Variants in COLGALT2 observed in about 807,000 individuals in gnomAD.
COLGALT2 encodes collagen beta(1-O)galactosyltransferase 2, also known as procollagen galactosyltransferase 2.
In COLGALT2, 49 loss-of-function variants were observed where a neutral mutation model predicts 73.4. That is an observed-to-expected ratio of 0.67 (90% confidence interval 0.53 to 0.85). COLGALT2 has a LOEUF of 0.85. COLGALT2 is among the 40% of genes least tolerant of loss of function. The pLI, the probability that COLGALT2 is intolerant of heterozygous loss-of-function variation, is 0.00. For synonymous variants in COLGALT2, 295 were observed against 307.6 expected, an observed-to-expected ratio of 0.96 and a Z score of 0.43; for missense variants, 722 against 790.2, an observed-to-expected ratio of 0.91 and a Z score of 1.03.
chr1:183,957,529 C>T (rs1482096318), intron 6 of COLGALT2, among the ~76,000 whole-genome samples: 1 of 152,154 alleles, frequency 6.6e-6, no homozygotes, highest in Non-Finnish European at 1.5e-5. Context: ...TGAACTTCTT[C>T]CATTGTTGCA....
chr1:184,015,955 T>A (rs1254582095), intron 1 of COLGALT2, among the ~76,000 whole-genome samples: 5 of 152,384 alleles, frequency 3.3e-5, no homozygotes, highest in African/African-American at 9.6e-5. Flanking sequence ...TTAGTGAATA[T>A]GCTGAAGAAG....
intron 1 of COLGALT2, among the ~76,000 whole-genome samples, chr1:184,026,634 T>C (rs965681271): frequency 6.6e-6 from 1 of 152,200 alleles, no homozygotes; most frequent in Non-Finnish European, 1.5e-5. Flanking sequence ...TTAGGGACTT[T>C]GTAATATCAT....
intron 1 of COLGALT2, among the ~76,000 whole-genome samples, chr1:184,026,157 C>T (rs1332355029): frequency 6.6e-6 from 1 of 152,118 alleles, no homozygotes; most frequent in African/African-American, 2.4e-5. Flanking sequence ...ACACAGATAG[C>T]GTATTTGCAC....
At chr1:183,976,555 C>T (rs2986556) in intron 2 of COLGALT2, among the ~76,000 whole-genome samples, 107,509 of 151,730 alleles carry the variant, frequency 0.71, 39,894 homozygotes, top group Non-Finnish European at 0.82. Flanking sequence ...TAAAGTAAAA[C>T]TGTAGTAGCT....
chr1:183,972,304 C>A lies in COLGALT2; in HGVS notation c.627+1312G>T, dbSNP rs549327187. 3.9e-5 allele frequency among the ~76,000 whole-genome samples: 6 copies of A among 152,252 alleles called. No homozygotes were observed. In the South Asian group the frequency reaches 1.2e-3, roughly 32 times the overall value. ...TTGATTTGTTGTAGAGATGTGGTTT[C>A]GCCATGTTGCTCATGTTGGTCTCAA... On this transcript the variant is annotated intron_variant, in intron 4 of 11. Transcript: ENST00000361927.
intron 1 of COLGALT2, among the ~76,000 whole-genome samples, chr1:184,002,914 T>C (rs1280993185): frequency 6.6e-6 from 1 of 151,828 alleles, no homozygotes; most frequent in Non-Finnish European, 1.5e-5. Flanking sequence ...AAATATATAA[T>C]AAAAATATCA....
chr1:183,995,884 A>G (rs1303123865), intron 1 of COLGALT2, among the ~76,000 whole-genome samples: 4 of 151,976 alleles, frequency 2.6e-5, no homozygotes, highest in African/African-American at 9.7e-5. Context: ...ACCCCATTTT[A>G]TTATTATATT....
chr1:183,964,447 G>A (rs1204838325), intron 5 of COLGALT2: 4 of 190,402 alleles, frequency 2.1e-5, no homozygotes, highest in Middle Eastern at 1.8e-3. Context: ...ATTCTGTAAC[G>A]CTGACAGATT....
intron 1 of COLGALT2, among the ~76,000 whole-genome samples, chr1:184,036,426 G>C (rs1272279537): frequency 6.6e-6 from 1 of 152,216 alleles, no homozygotes; most frequent in Non-Finnish European, 1.5e-5. Context: ...GTGGAACCCC[G>C]ATGCACCGGC....
rs188055628 is a variant in COLGALT2 at position 183,987,145 on chromosome 1, G to C, written c.264-8625C>G. On this transcript the variant is annotated intron_variant, in intron 1 of 11. Coordinates refer to ENST00000361927, the MANE Select transcript of COLGALT2 (RefSeq NM_015101.4). Reference sequence around the variant, plus strand: ...AATTTTCCTTGGAGTCACAACCCTTGGAATTCCATGAAAATATCAGTGGGA... The same window carrying C: ...AATTTTCCTTGGAGTCACAACCCTTCGAATTCCATGAAAATATCAGTGGGA... 1.6e-3 allele frequency among the ~76,000 whole-genome samples: 251 copies of C among 152,240 alleles called. 1 individual carries two copies. The highest frequency in any genetic ancestry group is 5.9e-3 in the African/African-American group (246 of 41,532).
chr1:184,010,232 T>C (rs1322743785), intron 1 of COLGALT2, among the ~76,000 whole-genome samples: 6 of 152,212 alleles, frequency 3.9e-5, no homozygotes, highest in Admixed American at 3.9e-4. Context: ...GGCCCAGTAA[T>C]ACCAAAGTTT....
chr1:183,936,256 G>A lies in COLGALT2; in HGVS notation c.*2505C>T. 1 of 985,716 alleles carries A rather than the reference G, an allele frequency of 1.0e-6. No individual in the cohort carries two copies. Among genetic ancestry groups the A allele is most frequent in the Non-Finnish European group, 1.2e-6 (1 of 829,956 alleles). 61.1% of individuals were successfully genotyped at this position (985,716 alleles called of 1,614,324 possible). A position where few individuals can be genotyped will look rare whatever the true frequency, so the allele number is the denominator to read the frequency against. On this transcript the variant is annotated 3_prime_UTR_variant, in exon 12 of 12. Coordinates refer to ENST00000361927, the MANE Select transcript of COLGALT2 (RefSeq NM_015101.4). ...TGTCTTGGCTTAGGACTATAAGGGA[G>A]AGATAGGACAAATAATGAGGTCAAG... is the stretch of plus-strand genomic sequence containing the variant.
At chr1:183,986,402 C>T (rs1281932729) in intron 1 of COLGALT2, among the ~76,000 whole-genome samples, 1 of 152,186 alleles carries the variant, frequency 6.6e-6, no homozygotes, top group African/African-American at 2.4e-5. Context: ...CATCCCTCCT[C>T]AGTATGCCCC....
chr1:183,939,850 T>C (rs1670060729), intron 11 of COLGALT2, among the ~76,000 whole-genome samples: 1 of 152,192 alleles, frequency 6.6e-6, no homozygotes. Context: ...CATTAATGAT[T>C]TAGGAGCTGC....
In COLGALT2 at chr1:183,963,930, T is replaced by C; in HGVS notation, c.923A>G (p.Asn308Ser). The change falls in exon 6 of 12, where the codon AAC (asparagine) becomes AGC (serine). Residue 308 changes from asparagine to serine, a missense_variant. Physicochemically the swap from Asn to Ser is conservative, Grantham distance 46 (BLOSUM62 1). Transcript: ENST00000361927. ...PHQTLQEDIE[N>S]LIHVQIEAMI... is the part of the protein sequence containing the mutation. ...TGCTTCAATCTGCACATGGATGAGG[T>C]TCTCGATGTCTTCCTGCAGTGTCTG... 3 of 1,611,724 alleles carry C rather than the reference T, an allele frequency of 1.9e-6. No individual in the cohort carries two copies. Among genetic ancestry groups the C allele is most frequent in the Non-Finnish European group, 2.5e-6 (3 of 1,178,822 alleles).
rs1432806953 is a variant in COLGALT2, at chr1:184,037,367, C to T, written c.-10G>A. 8 of 1,406,714 alleles carry T rather than the reference C, an allele frequency of 5.7e-6. No homozygotes were observed. The East Asian group carries it at 2.2e-4, about 38-fold the overall frequency. 87.1% of individuals were successfully genotyped at this position (1,406,714 alleles called of 1,614,324 possible). On this transcript the variant is annotated 5_prime_UTR_variant, in exon 1 of 12. Coordinates refer to ENST00000361927, the MANE Select transcript of COLGALT2 (RefSeq NM_015101.4). ...CAGGGCGCGCAGCCATGTTCCGGGC[C>T]GAGGCGGGCGGCGGGGAAGTCCTGG...
intron 10 of COLGALT2, among the ~76,000 whole-genome samples, chr1:183,943,008 CCA>C (rs1244170767): frequency 6.6e-6 from 1 of 152,196 alleles, no homozygotes; most frequent in East Asian, 1.9e-4. Context: ...GAGGCCTTAA[CCA>C]CAGGCTGCGG....
At chr1:183,958,439 A>C (rs1670610731) in intron 6 of COLGALT2, among the ~76,000 whole-genome samples, 1 of 152,120 alleles carries the variant, frequency 6.6e-6, no homozygotes, top group Admixed American at 6.6e-5. Flanking sequence ...TCAAATTGGC[A>C]CTTGACACCA....
intron 6 of COLGALT2, among the ~76,000 whole-genome samples, chr1:183,955,708 T>C (rs1462188949): frequency 2.7e-5 from 4 of 150,240 alleles, no homozygotes; most frequent in Admixed American, 1.3e-4. Flanking sequence ...TGTTTAGTAT[T>C]ATACAAATTC....
Sources: gnomAD v4.1 joint callset for allele counts (sites outside exome capture counted in the v4.1 genomes callset) on GRCh38, gnomAD v4.1.1 for gene constraint, MANE v1.5 for transcripts, NCBI Gene and HGNC (gene_info 2026-07-23, HGNC 2026-07-21) for gene names.